Variants in CD47 observed in about 807,000 individuals in gnomAD.
The protein encoded by CD47 is leukocyte surface antigen CD47.
A neutral mutation model predicts 44.6 loss-of-function variants in CD47; 11 were observed. The observed-to-expected ratio is 0.25, with a 90% CI of 0.16 to 0.41. The LOEUF (loss-of-function observed/expected upper bound fraction) is 0.41, where lower values mean the gene tolerates loss of function less well. CD47 is among the 10% of genes least tolerant of loss of function. The probability of loss-of-function intolerance (pLI) is 1.00; values close to 1 mark genes in which losing one functional copy is unlikely to be tolerated. For missense variants in CD47, 306 were observed against 386.7 expected, an observed-to-expected ratio of 0.79 and a Z score of 1.75; for synonymous variants, 140 against 136.3, an observed-to-expected ratio of 1.03 and a Z score of -0.19.
At chr3:108,059,648 T>C (rs7647161) in intron 4 of CD47, 104 bp from the exon 5 acceptor site, 10,332 of 502,276 alleles carry the variant, frequency 0.021, 145 homozygotes, top group Middle Eastern at 0.038. Flanking sequence ...AAATATACGT[T>C]TCCCTGAAAA....
chr3:108,080,407 A>C (rs895839287), intron 1 of CD47, 63 bp from the exon 2 acceptor site: 1 of 814,582 alleles, frequency 1.2e-6, no homozygotes, highest in Non-Finnish European at 2.0e-6. Context: ...GATCTTAGGC[A>C]TGTTACAAAT....
intron 5 of CD47, among the ~76,000 whole-genome samples, chr3:108,059,063 T>G (rs995001896): frequency 6.6e-6 from 1 of 152,202 alleles, no homozygotes; most frequent in Non-Finnish European, 1.5e-5. Context: ...TATTTGTGAT[T>G]CATAATTCCA....
intron 3 of CD47, among the ~76,000 whole-genome samples, chr3:108,068,855 A>G (rs2079148877): frequency 6.6e-6 from 1 of 152,212 alleles, no homozygotes; most frequent in Admixed American, 6.5e-5. Context: ...ATGTATAGAC[A>G]TACCTCTTCC....
chr3:108,064,858 T>C (rs1225541874), intron 3 of CD47, among the ~76,000 whole-genome samples: 1 of 152,224 alleles, frequency 6.6e-6, no homozygotes, highest in Non-Finnish European at 1.5e-5. Flanking sequence ...TGGTGTCTGT[T>C]GAGCTGTAAA....
chr3:108,072,188 G>A (rs755615132), intron 2 of CD47, among the ~76,000 whole-genome samples: 3 of 152,120 alleles, frequency 2.0e-5, no homozygotes, highest in Non-Finnish European at 2.9e-5. Context: ...AAAGTATTCC[G>A]GAGTTTGCCT....
intron 2 of CD47, among the ~76,000 whole-genome samples, chr3:108,076,459 T>C (rs1230865595): frequency 1.3e-5 from 2 of 152,210 alleles, no homozygotes; most frequent in Non-Finnish European, 2.9e-5. Context: ...ATTCAGTATT[T>C]AGTTATTTAC....
Position 108,043,628 on chromosome 3 carries a change from T to C in CD47, c.*3660A>G, listed in dbSNP as rs1576977722. 2 of 152,752 alleles carry C rather than the reference T, an allele frequency of 1.3e-5. 1 individual carries two copies. Among genetic ancestry groups the C allele is most frequent in the African/African-American group, 4.8e-5 (2 of 41,584 alleles). The allele number at this position is 152,752 out of a possible 1,614,324, so 9.5% of individuals were successfully genotyped here. A position where few individuals can be genotyped will look rare whatever the true frequency, so the allele number is the denominator to read the frequency against. ...GAATGGTTAATAGATATTTATACGA[T>C]GTGGGATCTAATTCTCAACAATGGC... On this transcript the variant is annotated 3_prime_UTR_variant, in exon 11 of 11. Transcript: ENST00000361309.
chr3:108,051,246 T>C (rs1031664016), intron 8 of CD47, among the ~76,000 whole-genome samples: 1 of 152,212 alleles, frequency 6.6e-6, no homozygotes, highest in Admixed American at 6.5e-5. Flanking sequence ...GGAAGCTAAG[T>C]ACAATATAAT....
At chr3:108,047,918 A>G (rs2078747483) in intron 10 of CD47, among the ~76,000 whole-genome samples, 1 of 152,252 alleles carries the variant, frequency 6.6e-6, no homozygotes, top group Admixed American at 6.5e-5. Flanking sequence ...GTAGTTTAAA[A>G]AAGTCACATC....
At chr3:108,090,467 T>A (rs1395976502) in intron 1 of CD47, among the ~76,000 whole-genome samples, 1 of 152,144 alleles carries the variant, frequency 6.6e-6, no homozygotes, top group Non-Finnish European at 1.5e-5. Context: ...GTCTAAGCAC[T>A]GAGAAGGGAG....
chr3:108,088,437 C>T (rs1480282307), intron 1 of CD47, among the ~76,000 whole-genome samples: 1 of 152,090 alleles, frequency 6.6e-6, no homozygotes, highest in Admixed American at 6.5e-5. Flanking sequence ...AAAAACACTG[C>T]CTCTAGACTG....
intron 1 of CD47, 22 bp from the exon 2 acceptor site, chr3:108,080,366 GT>G (rs1221387286): frequency 1.2e-5 from 16 of 1,290,810 alleles, no homozygotes; most frequent in Non-Finnish European, 1.5e-5. Context: ...AAAGAAAAAT[GT>G]TTCATTAATT....
intron 7 of CD47, chr3:108,052,731 G>A (rs55794936): frequency 0.19 from 28,904 of 152,354 alleles, 3,159 homozygotes; most frequent in Non-Finnish European, 0.24. Flanking sequence ...AAGGCAAATA[G>A]ATTGCTTGAG....
intron 3 of CD47, among the ~76,000 whole-genome samples, 167 bp downstream of exon 3, chr3:108,070,926 G>A (rs1397718008): frequency 3.3e-5 from 5 of 151,998 alleles, no homozygotes; most frequent in Admixed American, 3.3e-4. Context: ...AGCAAAATGT[G>A]GGCGACAACA....
At chr3:108,088,193 T>C (rs1010122403) in intron 1 of CD47, among the ~76,000 whole-genome samples, 3 of 152,252 alleles carry the variant, frequency 2.0e-5, no homozygotes, top group African/African-American at 7.2e-5. Flanking sequence ...GCCTATATAC[T>C]AGCTATAGCT....
rs539900257 is a variant in CD47, at chr3:108,077,031, C to T, written c.400+2960G>A. Among the ~76,000 whole-genome samples, 3 of 152,246 alleles carry T rather than the reference C, an allele frequency of 2.0e-5. No individual in the cohort carries two copies. In the East Asian group the frequency reaches 5.8e-4, roughly 29 times the overall value. The stretch of plus-strand genomic sequence containing the variant: ...TAATGGACTATATCATACATAGGCA[C>T]AGAGGTATATAAAACTATATCTTAT... On this transcript the variant is annotated intron_variant, in intron 2 of 10. Coordinates refer to ENST00000361309, the MANE Select transcript of CD47 (RefSeq NM_001777.4).
intron 1 of CD47, among the ~76,000 whole-genome samples, chr3:108,084,950 C>T (rs962010988): frequency 2.0e-5 from 3 of 152,094 alleles, no homozygotes; most frequent in African/African-American, 7.2e-5. Context: ...GTATTTTCTA[C>T]AGTTCCCAAA....
chr3:108,067,537 A>G (rs1340020495), intron 3 of CD47, among the ~76,000 whole-genome samples: 2 of 152,250 alleles, frequency 1.3e-5, no homozygotes, highest in African/African-American at 2.4e-5. Flanking sequence ...CCTGAAAATC[A>G]GCCAGGAACT....
Position 108,091,012 on chromosome 3 carries a change from G to T in CD47, c.-104C>A. On this transcript the variant is annotated 5_prime_UTR_variant, in exon 1 of 11. The change creates a new upstream start codon in the 5' untranslated region. Coordinates refer to ENST00000361309, the MANE Select transcript of CD47 (RefSeq NM_001777.4). Reference sequence around the variant, plus strand: ...CGACCGCCGCCGCGCGTCACAGGCAGGACCCACTGCCCAGGCTGCACGGCC... The same window carrying T: ...CGACCGCCGCCGCGCGTCACAGGCATGACCCACTGCCCAGGCTGCACGGCC... 1.3e-6 allele frequency: 1 copy of T among 751,348 alleles called. No homozygotes were observed. The highest frequency in any genetic ancestry group is 1.9e-6 in the Non-Finnish European group (1 of 532,570). The allele number at this position is 751,348 out of a possible 1,614,324, so 46.5% of individuals were successfully genotyped here. A position where few individuals can be genotyped will look rare whatever the true frequency, so the allele number is the denominator to read the frequency against.
Sources: allele counts gnomAD v4.1 joint callset (sites outside exome capture counted in the v4.1 genomes callset), GRCh38; gene constraint gnomAD v4.1.1; transcripts MANE v1.5; gene names NCBI Gene and HGNC (gene_info 2026-07-23, HGNC 2026-07-21).